The following SH3TC1 variants were observed in gnomAD, a reference collection of about 807,000 sequenced individuals.
The protein encoded by SH3TC1 is SH3 domain and tetratricopeptide repeats 1.
Under a neutral mutation model 117.3 loss-of-function variants are expected in SH3TC1, and 135 were observed. That is an observed-to-expected ratio of 1.15 (90% confidence interval 1.00 to 1.33). SH3TC1 has a LOEUF of 1.33. Among genes scored for constraint, SH3TC1 ranks in the 40% most tolerant of loss-of-function variants. SH3TC1 has a pLI of 0.00. For missense variants in SH3TC1, 2,092 were observed against 1,794.3 expected, an observed-to-expected ratio of 1.17 and a Z score of -3.00; for synonymous variants, 898 against 816.9, an observed-to-expected ratio of 1.10 and a Z score of -1.69.
chr4:8,225,419 C>A lies in SH3TC1; in HGVS notation c.1285+203C>A, dbSNP rs73798674. ...TGGCACTGGAGGCCGTGGGGTCCCG[C>A]ACTTCTTCCAATGAACATGCTGGCC... On this transcript the variant is annotated intron_variant, in intron 11 of 17. Transcript: ENST00000245105. This position sits in a 1 kb window ranked among gnomAD's most constrained non-coding sequence, Gnocchi z 5.5. Among the ~76,000 whole-genome samples the A allele has an allele frequency of 4.8e-3, 734 of 152,268 alleles. 6 individuals carry two copies. Among genetic ancestry groups the A allele is most frequent in the African/African-American group, 0.017 (701 of 41,548 alleles).
Position 8,227,119 on chromosome 4 carries a change from G to A in SH3TC1, c.1425G>A (p.Val475=), listed in dbSNP as rs1720527506. 3 of 1,612,696 alleles carry A rather than the reference G, an allele frequency of 1.9e-6. No individual in the cohort carries two copies. The highest frequency in any genetic ancestry group is 1.7e-4 in the Middle Eastern group (1 of 6,058). ...SWGLCAASSD[V]SLQDPEEPSF... ...GTCTCTGTGCGGCATCCAGCGACGT[G>A]AGCTTGCAGGACCCCGAGGAGCCCT... Residue 475 remains valine (V), a synonymous_variant, in exon 12 of 18, where the codon GTG becomes GTA. Transcript: ENST00000245105.
Position 8,227,180 on chromosome 4 carries a change from C to G in SH3TC1, c.1486C>G (p.Pro496Ala), listed in dbSNP as rs756631339. ...GGAAGCCGAGGACGACTGGGAGGAC[C>G]CAGAGGCCCTGAGCTCACTGCTGCT... ...CLEAEDDWED[P>A]EALSSLLLFL... The change falls in exon 12 of 18, where the codon CCA becomes GCA. Residue 496 changes from proline (P) to alanine (A), a missense_variant. Physicochemically the swap from Pro to Ala is conservative, Grantham distance 27. Coordinates refer to ENST00000245105, the MANE Select transcript of SH3TC1 (RefSeq NM_018986.5). 1 of 1,595,424 alleles carries G rather than the reference C, an allele frequency of 6.3e-7. No individual in the cohort carries two copies. The highest frequency in any genetic ancestry group is 8.5e-7 in the Non-Finnish European group (1 of 1,170,810).
Position 8,237,563 on chromosome 4 carries a change from C to T in SH3TC1, c.3646C>T (p.Leu1216Phe), listed in dbSNP as rs899612143. The change falls in exon 17 of 18, where the codon CTC becomes TTC. Residue 1216 changes from leucine to phenylalanine, a missense_variant. Leu to Phe is a conservative substitution (Grantham distance 22, BLOSUM62 0). Coordinates refer to ENST00000245105, the MANE Select transcript of SH3TC1 (RefSeq NM_018986.5). ...GHGELAEHFY[L>F]KALSLCNSPL... Reference sequence around the variant, plus strand: ...TGGCGAGCTGGCAGAGCACTTCTACCTCAAGGCCCTGTCGCTCTGCAACTC... The same window carrying T: ...TGGCGAGCTGGCAGAGCACTTCTACTTCAAGGCCCTGTCGCTCTGCAACTC... 1.9e-6 allele frequency: 3 copies of T among 1,612,176 alleles called. No homozygotes were observed. The highest frequency in any genetic ancestry group is 2.5e-6 in the Non-Finnish European group (3 of 1,179,600).
intron 2 of SH3TC1, among the ~76,000 whole-genome samples, chr4:8,208,340 A>T (rs907979597): frequency 1.3e-5 from 2 of 151,070 alleles, no homozygotes; most frequent in Non-Finnish European, 2.9e-5. Context: ...TGAGCACCAC[A>T]TACTTCTTTC....
At chr4:8,230,896 C>A (rs944160633) in intron 12 of SH3TC1, among the ~76,000 whole-genome samples, 1 of 151,650 alleles carries the variant, frequency 6.6e-6, no homozygotes, top group African/African-American at 2.4e-5. Flanking sequence ...TCTCCTGCCT[C>A]GGCCTCCTGA....
chr4:8,237,411 G>A (rs2152998504), intron 16 of SH3TC1, 63 bp from the exon 17 acceptor site: 1 of 1,331,030 alleles, frequency 7.5e-7, no homozygotes, highest in African/African-American at 1.8e-5. Context: ...GGTGCTGCCG[G>A]GGTCTGCATG....
chr4:8,238,172 C>A (rs1482133084), intron 17 of SH3TC1, among the ~76,000 whole-genome samples: 1 of 152,092 alleles, frequency 6.6e-6, no homozygotes, highest in African/African-American at 2.4e-5. Flanking sequence ...TCCCGAGACA[C>A]CTTGAATCTT....
intron 13 of SH3TC1, chr4:8,233,046 C>G: frequency 8.1e-7 from 1 of 1,233,682 alleles, no homozygotes; most frequent in Non-Finnish European, 1.0e-6. Context: ...TGGATAGCAT[C>G]TGAACACTGA....
chr4:8,213,609 G>A (rs1482948407), intron 4 of SH3TC1, among the ~76,000 whole-genome samples: 1 of 152,086 alleles, frequency 6.6e-6, no homozygotes, highest in Non-Finnish European at 1.5e-5. Flanking sequence ...TAAGAAATGG[G>A]GCCTTCAGCG....
intron 5 of SH3TC1, 143 bp downstream of exon 5, chr4:8,214,723 G>A (rs961747242): frequency 5.0e-5 from 35 of 698,524 alleles, no homozygotes; most frequent in Middle Eastern, 3.6e-4. Context: ...TTGCTCTGTC[G>A]CCCAGGCTGG....
rs371620671 is a variant in SH3TC1, at chr4:8,227,506, C to T, written c.1812C>T (p.Tyr604=). 3.4e-5 allele frequency: 53 copies of T among 1,553,502 alleles called. No individual in the cohort carries two copies. The highest frequency in any genetic ancestry group is 6.9e-5 in the African/African-American group (5 of 72,558). Residue 604 remains tyrosine (Y), a synonymous_variant, in exon 12 of 18, where the codon TAC becomes TAT. Coordinates refer to ENST00000245105, the MANE Select transcript of SH3TC1 (RefSeq NM_018986.5). ...ACCTGTTCCTAGTGGTGGCTGTGTA[C>T]GCCAACCTGGCCAGCATTTACCGGA... is the stretch of plus-strand genomic sequence containing the variant. ...FGDLFLVVAV[Y]ANLASIYRKQ... is the part of the protein sequence containing the mutation.
At chr4:8,223,255 G>A (rs1488233008) in intron 10 of SH3TC1, among the ~76,000 whole-genome samples, 6 of 152,270 alleles carry the variant, frequency 3.9e-5, no homozygotes, top group East Asian at 1.9e-4. Context: ...GACGCTGGGC[G>A]AGGGAGAGGG....
Position 8,205,154 on chromosome 4 carries a change from C to T in SH3TC1, c.-28-13C>T, listed in dbSNP as rs984036033. 4 of 1,464,822 alleles carry T rather than the reference C, an allele frequency of 2.7e-6. No individual in the cohort carries two copies. Among genetic ancestry groups the T allele is most frequent in the Admixed American group, 2.7e-5 (1 of 37,428 alleles). The allele number at this position is 1,464,822 out of a possible 1,614,324, so 90.7% of individuals were successfully genotyped here. A position where few individuals can be genotyped will look rare whatever the true frequency, so the allele number is the denominator to read the frequency against. On this transcript the variant is annotated splice_polypyrimidine_tract_variant and intron_variant, in intron 1 of 17. Coordinates refer to ENST00000245105, the MANE Select transcript of SH3TC1 (RefSeq NM_018986.5). The surrounding 1 kb of genome is among the most constrained non-coding windows in gnomAD (Gnocchi z 5.4). ...GGGGCCACCTCTCCTGACCACACCC[C>T]CTCTGTCCACAGGGCCAGGCATGTG...
Position 8,218,256 on chromosome 4 carries a change from C to T in SH3TC1, c.840-15C>T. ...CTGAAATCCCGCAGCAAAGACCTCC[C>T]TCTTCCGGCTCCAGGTGGGCTCTTA... On this transcript the variant is annotated splice_polypyrimidine_tract_variant and intron_variant, in intron 7 of 17. Transcript: ENST00000245105. 6.2e-7 allele frequency: 1 copy of T among 1,607,144 alleles called. No homozygotes were observed. Among genetic ancestry groups the T allele is most frequent in the East Asian group, 2.2e-5 (1 of 44,716 alleles).
intron 1 of SH3TC1, among the ~76,000 whole-genome samples, chr4:8,203,995 C>G (rs1718004713): frequency 6.6e-6 from 1 of 152,206 alleles, no homozygotes; most frequent in Admixed American, 6.5e-5. Context: ...GTGGGCCCAT[C>G]AGGGCTCTGA....
chr4:8,191,392 C>T lies in SH3TC1; in HGVS notation c.-57+9182C>T, dbSNP rs552514925. Among the ~76,000 whole-genome samples the T allele has an allele frequency of 2.0e-5, 3 of 152,356 alleles. No individual in the cohort carries two copies. The South Asian group carries it at 6.2e-4, about 32-fold the overall frequency. Reference sequence around the variant, plus strand: ...CCTCCGACCCGGCGGCCCAGCCACCCATCCGGCTGGGGTGGCCATCAGTCA... The same window carrying T: ...CCTCCGACCCGGCGGCCCAGCCACCTATCCGGCTGGGGTGGCCATCAGTCA... On this transcript the variant is annotated intron_variant, in intron 1 of 16. Transcript: ENST00000508641.
In SH3TC1 at chr4:8,235,489, T is replaced by A; in HGVS notation, c.3339T>A (p.Phe1113Leu). Residue 1113 changes from phenylalanine (F) to leucine (L), a missense_variant, in exon 15 of 18, where the codon TTT (phenylalanine) becomes TTA (leucine). Transcript: ENST00000245105. ...TGDPNLGLELFEAAGDIFFDG... is the reference protein window; with the variant it reads ...TGDPNLGLELLEAAGDIFFDG... ...ACCCCAACCTGGGGCTGGAGCTGTTTGAGGCGGCTGGAGACATCTTCTTCG... is the reference window on the plus strand; with the variant it reads ...ACCCCAACCTGGGGCTGGAGCTGTTAGAGGCGGCTGGAGACATCTTCTTCG... The A allele has an allele frequency of 6.2e-7, 1 of 1,605,770 alleles. No individual in the cohort carries two copies. The highest frequency in any genetic ancestry group is 1.1e-5 in the South Asian group (1 of 89,992).
intron 4 of SH3TC1, among the ~76,000 whole-genome samples, chr4:8,213,761 G>A (rs577518262): frequency 3.3e-5 from 5 of 152,154 alleles, no homozygotes; most frequent in East Asian, 1.9e-4. Flanking sequence ...TTAGCCAGGC[G>A]TGATGGTGTG....
intron 16 of SH3TC1, chr4:8,237,060 C>G (rs999278715): frequency 3.8e-5 from 7 of 186,212 alleles, no homozygotes; most frequent in African/African-American, 1.6e-4. Flanking sequence ...GTGGGGGGAC[C>G]TGGAGCTCAG....
Sources: allele counts gnomAD v4.1 joint callset (sites outside exome capture counted in the v4.1 genomes callset), GRCh38; gene constraint gnomAD v4.1.1; non-coding constraint Gnocchi (gnomAD v3.1); transcripts MANE v1.5; gene names NCBI Gene and HGNC (gene_info 2026-07-23, HGNC 2026-07-21).